SIX6: variants seen among roughly 807,000 people sequenced by gnomAD.
SIX6 encodes the protein SIX homeobox 6.
SIX6 carries 14 observed loss-of-function variants against 23.6 expected under a neutral mutation model. That is an observed-to-expected ratio of 0.59 (90% confidence interval 0.39 to 0.93). The LOEUF is 0.93. SIX6 is among the 40% of genes least tolerant of loss of function. The pLI is 0.00. For missense variants in SIX6, 307 were observed against 325.6 expected (o/e 0.94, Z 0.44); for synonymous variants, 128 against 144.9 (o/e 0.88, Z 0.84).
intron 1 of SIX6, 48 bp from the exon 2 acceptor site, chr14:60,511,036 G>C: frequency 6.3e-7 from 1 of 1,592,702 alleles, no homozygotes. Flanking sequence ...GCGGGCGACG[G>C]GCGGCTGTGT....
Position 60,509,542 on chromosome 14 carries a change from C to G in SIX6, c.144C>G (p.Asn48Lys), listed in dbSNP as rs1248467011. ...PVAPAACEAL[N>K]KNESVLRARA... is the part of the protein sequence containing the mutation. ...CCCCTGCGGCCTGCGAGGCCCTCAA[C>G]AAGAATGAGTCGGTGCTACGCGCAC... Residue 48 changes from asparagine to lysine, a missense_variant, in exon 1 of 2, where the codon AAC becomes AAG. Transcript: ENST00000327720. The G allele has an allele frequency of 1.2e-6, 2 of 1,610,354 alleles. No homozygotes were observed. The highest frequency in any genetic ancestry group is 1.1e-5 in the South Asian group (1 of 91,076).
At chr14:60,510,874 A>C (rs1391646441) in intron 1 of SIX6, among the ~76,000 whole-genome samples, 1 of 152,258 alleles carries the variant, frequency 6.6e-6, no homozygotes, top group Non-Finnish European at 1.5e-5. Context: ...GGCGCGAATC[A>C]TGGTGGGGCA....
rs370851549 is a variant in SIX6, at chr14:60,509,951, G to A, written c.553G>A (p.Ala185Thr). 1 of 1,606,076 alleles carries A rather than the reference G, an allele frequency of 6.2e-7. No individual in the cohort carries two copies. The highest frequency in any genetic ancestry group is 8.5e-7 in the Non-Finnish European group (1 of 1,175,968). Residue 185 changes from alanine to threonine, a missense_variant, in exon 1 of 2, where the codon GCG becomes ACG. Coordinates refer to ENST00000327720, the MANE Select transcript of SIX6 (RefSeq NM_007374.3). ...WFKNRRQRDR[A>T]AAAKNRLQQQ... ...CAAAAACCGCCGACAAAGGGACCGA[G>A]CGGCTGCAGCCAAGAACAGGTCGGT...
At position 60,509,252 on chromosome 14, in the gene SIX6, T is replaced by C. The variant is rs551864637; in HGVS notation, c.-147T>C. ...AGTCGGGGTCGTCCGCTCCCGGCCG[T>C]TGAGCCACCGCCGCCACCCGGTAGT... On this transcript the variant is annotated 5_prime_UTR_variant, in exon 1 of 2. Coordinates refer to ENST00000327720, the MANE Select transcript of SIX6 (RefSeq NM_007374.3). The C allele has an allele frequency of 1.5e-3, 1,093 of 714,570 alleles. 8 individuals are homozygous for C. In the African/African-American group the frequency reaches 0.016, roughly 11 times the overall value. The allele number at this position is 714,570 out of a possible 1,614,324, so 44.3% of individuals were successfully genotyped here. A position where few individuals can be genotyped will look rare whatever the true frequency, so the allele number is the denominator to read the frequency against.
rs770148963 is a variant in SIX6 at position 60,511,237 on chromosome 14, C to T, written c.726C>T (p.Ser242=). 168 of 1,613,276 alleles carry T rather than the reference C, an allele frequency of 1.0e-4. No individual in the cohort carries two copies. Among genetic ancestry groups the T allele is most frequent in the Non-Finnish European group, 1.4e-4 (163 of 1,179,936 alleles). ...TSAISITSSD[S]ECDI ...CCATCTCCATCACGTCCAGCGACAG[C>T]GAGTGCGACATCTGAGTTGCCCATC... The change falls in exon 2 of 2, where the codon AGC becomes AGT. Residue 242 remains serine (S), a synonymous_variant. Transcript: ENST00000327720.
intron 1 of SIX6, 149 bp from the exon 2 acceptor site, chr14:60,510,935 G>GCCGAGTAATTAC (rs1194512636): frequency 7.6e-5 from 61 of 803,504 alleles, no homozygotes; most frequent in Non-Finnish European, 8.9e-5. Context: ...CCCGACCTCT[G>GCCGAGTAATTAC]TCGCCTTGCC....
At position 60,509,212 on chromosome 14, in the gene SIX6, GCCAGCACCTCCT is replaced by G. The variant is rs1288057229; in HGVS notation, c.-182_-171del. 6.5e-6 allele frequency: 4 copies of G among 611,756 alleles called. No individual in the cohort carries two copies. Among genetic ancestry groups the G allele is most frequent in the Non-Finnish European group, 1.2e-5 (4 of 344,598 alleles). The allele number at this position is 611,756 out of a possible 1,614,324, so 37.9% of individuals were successfully genotyped here. Reference sequence around the variant, plus strand: ...CCGAGCCCGAACCCCAAGCCGCGGAGCCAGCACCTCCTCCAGTCGGGGTCGTCCGCTCCCGGC... The same window carrying G: ...CCGAGCCCGAACCCCAAGCCGCGGAGCCAGTCGGGGTCGTCCGCTCCCGGC... On this transcript the variant is annotated 5_prime_UTR_variant, in exon 1 of 2. Coordinates refer to ENST00000327720, the MANE Select transcript of SIX6 (RefSeq NM_007374.3).
Position 60,511,176 on chromosome 14 carries a change from C to T in SIX6, c.665C>T (p.Pro222Leu), listed in dbSNP as rs752483519. 2 of 1,611,972 alleles carry T rather than the reference C, an allele frequency of 1.2e-6. No individual in the cohort carries two copies. Among genetic ancestry groups the T allele is most frequent in the African/African-American group, 1.3e-5 (1 of 74,928 alleles). ...TPEVLGVATS[P>L]AASLSSKAAT... ...GAGGTGCTGGGCGTCGCCACCAGCC[C>T]GGCCGCCAGTCTATCCAGCAAGGCG... Residue 222 changes from proline (P) to leucine (L), a missense_variant, in exon 2 of 2, where the codon CCG becomes CTG. Pro to Leu is a moderately conservative substitution (Grantham distance 98). Coordinates refer to ENST00000327720, the MANE Select transcript of SIX6 (RefSeq NM_007374.3).
chr14:60,509,897 C>A lies in SIX6; in HGVS notation c.499C>A (p.Leu167Met). The A allele has an allele frequency of 1.2e-6, 2 of 1,612,834 alleles. No individual in the cohort carries two copies. Among genetic ancestry groups the A allele is most frequent in the Non-Finnish European group, 1.7e-6 (2 of 1,179,358 alleles). ...KKRELAQATGLTPTQVGNWFK... is the reference protein window; with the variant it reads ...KKRELAQATGMTPTQVGNWFK... ...ACGTGAGCTCGCCCAGGCAACCGGA[C>A]TGACCCCTACGCAGGTGGGCAACTG... Residue 167 changes from leucine to methionine, a missense_variant, in exon 1 of 2, where the codon CTG (leucine) becomes ATG (methionine). By Grantham distance (15) the Leu-to-Met change is conservative. Transcript: ENST00000327720.
At position 60,511,627 on chromosome 14, in the gene SIX6, T is replaced by A; in HGVS notation, c.*375T>A. ...TGTTACATATGTATAACTTTCGCTT[T>A]AAAGTTTTTTTTTAACAAAACATAT... On this transcript the variant is annotated 3_prime_UTR_variant, in exon 2 of 2. Transcript: ENST00000327720. The A allele has an allele frequency of 2.6e-6, 1 of 383,924 alleles. No individual in the cohort carries two copies. Among genetic ancestry groups the A allele is most frequent in the Non-Finnish European group, 4.9e-6 (1 of 202,924 alleles). 23.8% of individuals were successfully genotyped at this position (383,924 alleles called of 1,614,324 possible).
In SIX6 at chr14:60,509,520, C is replaced by G. The variant is rs751963683; in HGVS notation, c.122C>G (p.Pro41Arg). 3 of 1,607,032 alleles carry G rather than the reference C, an allele frequency of 1.9e-6. No homozygotes were observed. The Admixed American group carries it at 5.0e-5, about 27-fold the overall frequency. ...GRFLWSLPVAPAACEALNKNE... is the reference protein window; with the variant it reads ...GRFLWSLPVARAACEALNKNE... ...TTCCTCTGGTCGCTGCCCGTGGCCC[C>G]TGCGGCCTGCGAGGCCCTCAACAAG... is the stretch of plus-strand genomic sequence containing the variant. Residue 41 changes from proline to arginine, a missense_variant, in exon 1 of 2, where the codon CCT becomes CGT. By Grantham distance (103) the Pro-to-Arg change is moderately radical. Coordinates refer to ENST00000327720, the MANE Select transcript of SIX6 (RefSeq NM_007374.3).
In SIX6 at chr14:60,511,535, G is replaced by A. The variant is rs1251775976; in HGVS notation, c.*283G>A. 5.3e-6 allele frequency: 3 copies of A among 561,332 alleles called. No homozygotes were observed. Among genetic ancestry groups the A allele is most frequent in the African/African-American group, 3.8e-5 (2 of 53,176 alleles). 34.8% of individuals were successfully genotyped at this position (561,332 alleles called of 1,614,324 possible). A position where few individuals can be genotyped will look rare whatever the true frequency, so the allele number is the denominator to read the frequency against. ...AGGATTTTGCTGCAAAGTCTCCTTC[G>A]GAACCCGAACTGCAAGCTGAGCGCC... is the stretch of plus-strand genomic sequence containing the variant. On this transcript the variant is annotated 3_prime_UTR_variant, in exon 2 of 2. Transcript: ENST00000327720.
intron 1 of SIX6, among the ~76,000 whole-genome samples, 187 bp downstream of exon 1, chr14:60,510,157 C>G (rs1176130840): frequency 6.6e-6 from 1 of 152,186 alleles, no homozygotes; most frequent in Admixed American, 6.5e-5. Context: ...TCTGCTTCCC[C>G]ACCCGCTGGC....
chr14:60,512,277 G>A lies in SIX6; in HGVS notation c.*1025G>A, dbSNP rs1893306226. 6.6e-6 allele frequency: 1 copy of A among 152,066 alleles called. No individual in the cohort carries two copies. The highest frequency in any genetic ancestry group is 2.4e-5 in the African/African-American group (1 of 41,390). 9.4% of individuals were successfully genotyped at this position (152,066 alleles called of 1,614,324 possible). On this transcript the variant is annotated 3_prime_UTR_variant, in exon 2 of 2. Transcript: ENST00000327720. Reference sequence around the variant, plus strand: ...TTTTCTAAAAATGCAAAACTATCCTGACTCAGGCTCTGCAGCAAGAAAGGC... The same window carrying A: ...TTTTCTAAAAATGCAAAACTATCCTAACTCAGGCTCTGCAGCAAGAAAGGC...
In SIX6 at chr14:60,511,327, A is replaced by G; in HGVS notation, c.*75A>G. 2.7e-6 allele frequency: 4 copies of G among 1,506,832 alleles called. No individual in the cohort carries two copies. Among genetic ancestry groups the G allele is most frequent in the East Asian group, 2.3e-5 (1 of 44,342 alleles). 93.3% of individuals were successfully genotyped at this position (1,506,832 alleles called of 1,614,324 possible). On this transcript the variant is annotated 3_prime_UTR_variant, in exon 2 of 2. Transcript: ENST00000327720. ...AAACAAAATGAAAGAGGGGAAGAAG[A>G]TGAGAGACCTGCAAATCCAGCGCCA...
chr14:60,511,050 G>A, intron 1 of SIX6, 34 bp from the exon 2 acceptor site: 2 of 1,606,766 alleles, frequency 1.2e-6, no homozygotes, highest in East Asian at 2.2e-5. Flanking sequence ...GCTGTGTTAC[G>A]AGCTGTGACC....
intron 1 of SIX6, among the ~76,000 whole-genome samples, 158 bp downstream of exon 1, chr14:60,510,128 CG>C (rs1405048117): frequency 6.6e-6 from 1 of 152,172 alleles, no homozygotes; most frequent in African/African-American, 2.4e-5. Flanking sequence ...GGCTCCTGGC[CG>C]GGAGTTCCCT....
chr14:60,509,612 C>T lies in SIX6; in HGVS notation c.214C>T (p.His72Tyr), dbSNP rs1876669752. 8 of 1,613,628 alleles carry T rather than the reference C, an allele frequency of 5.0e-6. No individual in the cohort carries two copies. Among genetic ancestry groups the T allele is most frequent in the Middle Eastern group, 1.6e-4 (1 of 6,084 alleles). Residue 72 changes from histidine to tyrosine, a missense_variant, in exon 1 of 2, where the codon CAT becomes TAT. Transcript: ENST00000327720. ...CGGTGGCAACTACCGCGAGCTCTAT[C>T]ATATCCTGGAAAACCACAAGTTCAC... ...FHGGNYRELYHILENHKFTKE... is the reference protein window; with the variant it reads ...FHGGNYRELYYILENHKFTKE...
At position 60,511,600 on chromosome 14, in the gene SIX6, G is replaced by C. The variant is rs1464641945; in HGVS notation, c.*348G>C. 3 of 464,966 alleles carry C rather than the reference G, an allele frequency of 6.5e-6. No individual in the cohort carries two copies. The highest frequency in any genetic ancestry group is 1.2e-5 in the Non-Finnish European group (3 of 252,628). 28.8% of individuals were successfully genotyped at this position (464,966 alleles called of 1,614,324 possible). A position where few individuals can be genotyped will look rare whatever the true frequency, so the allele number is the denominator to read the frequency against. On this transcript the variant is annotated 3_prime_UTR_variant, in exon 2 of 2. Transcript: ENST00000327720. ...CATGGGTATTTCACGTCGAAAGGAC[G>C]CTGTTACATATGTATAACTTTCGCT...
Sources: gnomAD v4.1 joint callset for allele counts (sites outside exome capture counted in the v4.1 genomes callset) on GRCh38, gnomAD v4.1.1 for gene constraint, MANE v1.5 for transcripts, NCBI Gene and HGNC (gene_info 2026-07-23, HGNC 2026-07-21) for gene names.